The following IL2RA variants were observed in gnomAD, a reference collection of about 807,000 sequenced individuals.
IL2RA encodes interleukin 2 receptor subunit alpha, also known as interleukin-2 receptor subunit alpha.
In IL2RA, 24 loss-of-function variants were observed where a neutral mutation model predicts 37.8. That is an observed-to-expected ratio of 0.63 (90% CI 0.46 to 0.89). IL2RA has a LOEUF of 0.89. Among genes scored for constraint, IL2RA ranks in the 40% least tolerant of loss-of-function variants. The pLI, the probability that IL2RA is intolerant of heterozygous loss-of-function variation, is 0.00. For missense variants in IL2RA, 319 were observed against 348.6 expected, an observed-to-expected ratio of 0.92 and a Z score of 0.68; for synonymous variants, 125 against 114.6, an observed-to-expected ratio of 1.09 and a Z score of -0.58.
At chr10:6,024,445 T>A in intron 2 of IL2RA, 91 bp from the exon 3 acceptor site, 1 of 944,258 alleles carries the variant, frequency 1.1e-6, no homozygotes, top group Non-Finnish European at 1.7e-6. Flanking sequence ...GAAGCACACC[T>A]GTCCAGGGCC....
At chr10:6,017,155 G>A (rs1202251990) in intron 7 of IL2RA, 1 of 152,478 alleles carries the variant, frequency 6.6e-6, no homozygotes, top group South Asian at 2.1e-4. Flanking sequence ...CCACTCACTG[G>A]TATTTTAGAA....
chr10:6,037,231 C>T (rs530248843), intron 1 of IL2RA, among the ~76,000 whole-genome samples: 6 of 152,218 alleles, frequency 3.9e-5, no homozygotes, highest in African/African-American at 4.8e-5. Flanking sequence ...AAACGTTTGT[C>T]GGTTGAGTAA....
intron 1 of IL2RA, among the ~76,000 whole-genome samples, chr10:6,032,998 A>G (rs1348913967): frequency 6.6e-6 from 1 of 152,236 alleles, no homozygotes; most frequent in Non-Finnish European, 1.5e-5. Flanking sequence ...CTGATACGTC[A>G]AATACTGGGG....
intron 1 of IL2RA, among the ~76,000 whole-genome samples, chr10:6,034,697 AACAAGGGCTTTTCTCTGCCTTT>A (rs757359859): frequency 4.1e-4 from 63 of 152,302 alleles, no homozygotes; most frequent in Non-Finnish European, 7.4e-4. Context: ...AAATTCAGCT[AACAAGGGCTTTTCTCTGCCTTT>A]ACACTTCCTC....
At position 6,062,312 on chromosome 10, in the gene IL2RA, C is replaced by T; in HGVS notation, c.-161G>A. ...CCTTGTGGGTCCATCCAGTCTCTATCGGAGTCAGGAGTTGCTCTCTTTAAG... is the reference window on the plus strand; with the variant it reads ...CCTTGTGGGTCCATCCAGTCTCTATTGGAGTCAGGAGTTGCTCTCTTTAAG... On this transcript the variant is annotated 5_prime_UTR_variant, in exon 1 of 8. Transcript: ENST00000379959. 3.3e-6 allele frequency: 2 copies of T among 611,522 alleles called. No individual in the cohort carries two copies. The highest frequency in any genetic ancestry group is 4.3e-4 in the Middle Eastern group (1 of 2,340). The allele number at this position is 611,522 out of a possible 1,614,324, so 37.9% of individuals were successfully genotyped here. A position where few individuals can be genotyped will look rare whatever the true frequency, so the allele number is the denominator to read the frequency against.
intron 1 of IL2RA, among the ~76,000 whole-genome samples, chr10:6,040,546 T>A (rs910381070): frequency 6.6e-6 from 1 of 152,242 alleles, no homozygotes; most frequent in Admixed American, 6.5e-5. Context: ...CACTTTTATA[T>A]ATAATTTAGA....
In IL2RA at chr10:6,057,986, C is replaced by T. The variant is rs535070963; in HGVS notation, c.64+4102G>A. Among the ~76,000 whole-genome samples, 24 of 152,170 alleles carry T rather than the reference C, an allele frequency of 1.6e-4. No homozygotes were observed. The highest frequency in any genetic ancestry group is 1.5e-3 in the East Asian group (8 of 5,176). On this transcript the variant is annotated intron_variant, in intron 1 of 7. Coordinates refer to ENST00000379959, the MANE Select transcript of IL2RA (RefSeq NM_000417.3). The surrounding 1 kb of genome is among the most constrained non-coding windows in gnomAD (Gnocchi z 4.8). ...ACTAAAAATACAAAAATTAGCCAGGCGTGGTGGCAGGTGCCTGTAATCCCA... is the reference window on the plus strand; with the variant it reads ...ACTAAAAATACAAAAATTAGCCAGGTGTGGTGGCAGGTGCCTGTAATCCCA...
Position 6,012,657 on chromosome 10 carries a change from G to A in IL2RA, c.*215C>T. ...ACGGCGAAATTGCTATTTAGAAGTG[G>A]GTAGCGCTCGCTCTCTGATGGGACT... On this transcript the variant is annotated 3_prime_UTR_variant, in exon 8 of 8. Transcript: ENST00000379959. The surrounding 1 kb of genome is among the most constrained non-coding windows in gnomAD (Gnocchi z 4.8). 3.2e-6 allele frequency: 2 copies of A among 619,764 alleles called. No individual in the cohort carries two copies. The highest frequency in any genetic ancestry group is 5.8e-6 in the Non-Finnish European group (2 of 343,726). The allele number at this position is 619,764 out of a possible 1,614,324, so 38.4% of individuals were successfully genotyped here.
rs1378937327 is a variant in IL2RA at position 6,047,444 on chromosome 10, T to C, written c.64+14644A>G. ...AGCCTGCTCCAAAGCTCTTCCTGCC[T>C]GTAGCATGCACCCTGTGCCTCCGGG... On this transcript the variant is annotated intron_variant, in intron 1 of 7. Coordinates refer to ENST00000379959, the MANE Select transcript of IL2RA (RefSeq NM_000417.3). This position sits in a 1 kb window ranked among gnomAD's most constrained non-coding sequence, Gnocchi z 5.0. Among the ~76,000 whole-genome samples, 1 of 152,198 alleles carries C rather than the reference T, an allele frequency of 6.6e-6. No individual in the cohort carries two copies. Among genetic ancestry groups the C allele is most frequent in the Non-Finnish European group, 1.5e-5 (1 of 68,032 alleles).
Position 6,030,298 on chromosome 10 carries a change from C to T in IL2RA, c.65-4273G>A, listed in dbSNP as rs376388674. 3.5e-4 allele frequency among the ~76,000 whole-genome samples: 53 copies of T among 152,214 alleles called. 1 individual carries two copies. The South Asian group carries it at 8.7e-3, about 25-fold the overall frequency. On this transcript the variant is annotated intron_variant, in intron 1 of 7. Transcript: ENST00000379959. ...ACTGATTTACAGATCCAGATGTTCA[C>T]GGCACCAAGCAAGATACGTATAAAG...
Position 6,055,632 on chromosome 10 carries a change from T to C in IL2RA, c.64+6456A>G, listed in dbSNP as rs571602292. On this transcript the variant is annotated intron_variant, in intron 1 of 7. Transcript: ENST00000379959. ...CTACACAGACACGGCAACCATCCGA[T>C]TTCTCAATCTTTTCCCCACCTTTCC... Among the ~76,000 whole-genome samples the C allele has an allele frequency of 9.5e-4, 30 of 31,434 alleles. 1 individual carries two copies. The highest frequency in any genetic ancestry group is 0.029 in the Middle Eastern group (1 of 34). The allele number at this position is 31,434 out of a possible 152,430, so 20.6% of individuals were successfully genotyped here.
In IL2RA at chr10:6,025,723, A is replaced by C; in HGVS notation, c.256+111T>G. On this transcript the variant is annotated intron_variant, in intron 2 of 7. Coordinates refer to ENST00000379959, the MANE Select transcript of IL2RA (RefSeq NM_000417.3). The surrounding 1 kb of genome is among the most constrained non-coding windows in gnomAD (Gnocchi z 4.4). ...GAACCACTAAAATTAGTTATCCTGT[A>C]GACTGGACTGGCCCATTTGTGTCTA... The C allele has an allele frequency of 9.9e-7, 1 of 1,011,764 alleles. No homozygotes were observed. Among genetic ancestry groups the C allele is most frequent in the Admixed American group, 1.8e-5 (1 of 54,578 alleles). The allele number at this position is 1,011,764 out of a possible 1,614,324, so 62.7% of individuals were successfully genotyped here.
chr10:6,018,270 C>G lies in IL2RA; in HGVS notation c.728-151G>C, dbSNP rs1032481645. Reference sequence around the variant, plus strand: ...CCTGTCTCAGGAAGTAGGTCCCTCCCCATGGGATTTCCTAGGAGTCTTGAG... The same window carrying G: ...CCTGTCTCAGGAAGTAGGTCCCTCCGCATGGGATTTCCTAGGAGTCTTGAG... On this transcript the variant is annotated intron_variant, in intron 6 of 7. Coordinates refer to ENST00000379959, the MANE Select transcript of IL2RA (RefSeq NM_000417.3). The surrounding 1 kb of genome is among the most constrained non-coding windows in gnomAD (Gnocchi z 5.1). The G allele has an allele frequency of 7.2e-6, 5 of 690,660 alleles. No individual in the cohort carries two copies. Among genetic ancestry groups the G allele is most frequent in the Non-Finnish European group, 1.3e-5 (5 of 375,142 alleles). 42.8% of individuals were successfully genotyped at this position (690,660 alleles called of 1,614,324 possible). A position where few individuals can be genotyped will look rare whatever the true frequency, so the allele number is the denominator to read the frequency against.
At chr10:6,030,501 T>TA (rs1302666184) in intron 1 of IL2RA, among the ~76,000 whole-genome samples, 1 of 152,098 alleles carries the variant, frequency 6.6e-6, no homozygotes, top group East Asian at 1.9e-4. Context: ...TTCAAAGTTT[T>TA]AAAAGAAAAA....
chr10:6,038,123 A>G (rs1286152047), intron 1 of IL2RA, among the ~76,000 whole-genome samples: 1 of 152,256 alleles, frequency 6.6e-6, no homozygotes, highest in Non-Finnish European at 1.5e-5. Context: ...GCCTGTGGTC[A>G]TTCCACAAGT....
In IL2RA at chr10:6,042,148, CAAAAA is replaced by C. The variant is rs57093239; in HGVS notation, c.65-16128_65-16124del. On this transcript the variant is annotated intron_variant, in intron 1 of 7. Coordinates refer to ENST00000379959, the MANE Select transcript of IL2RA (RefSeq NM_000417.3). ...CACCTGATGCTAGCAATGTATTAAGCAAAAAAAAAAAAAAAAAAAATTCTGATCAG... is the reference window on the plus strand; with the variant it reads ...CACCTGATGCTAGCAATGTATTAAGCAAAAAAAAAAAAAAATTCTGATCAG... Among the ~76,000 whole-genome samples the C allele has an allele frequency of 3.5e-4, 19 of 54,138 alleles. 1 individual carries two copies. The East Asian group carries it at 0.013, about 36-fold the overall frequency. 35.5% of individuals were successfully genotyped at this position (54,138 alleles called of 152,430 possible). A position where few individuals can be genotyped will look rare whatever the true frequency, so the allele number is the denominator to read the frequency against.
chr10:6,060,770 A>AT (rs895917232), intron 1 of IL2RA, among the ~76,000 whole-genome samples: 6 of 151,962 alleles, frequency 3.9e-5, no homozygotes, highest in East Asian at 1.9e-4. Flanking sequence ...AAGTAAAAAA[A>AT]AAATAAATAA....
chr10:6,041,351 G>GT (rs1242878878), intron 1 of IL2RA, among the ~76,000 whole-genome samples: 1 of 151,928 alleles, frequency 6.6e-6, no homozygotes, highest in Non-Finnish European at 1.5e-5. Flanking sequence ...TCCTGACCTC[G>GT]TGATCCACCC....
intron 1 of IL2RA, among the ~76,000 whole-genome samples, chr10:6,050,112 AG>A (rs1404336579): frequency 6.6e-6 from 1 of 152,222 alleles, no homozygotes; most frequent in Non-Finnish European, 1.5e-5. Context: ...TGCAGCCGAA[AG>A]GGCATCACGA....
Sources: allele counts gnomAD v4.1 joint callset (sites outside exome capture counted in the v4.1 genomes callset), GRCh38; gene constraint gnomAD v4.1.1; non-coding constraint Gnocchi (gnomAD v3.1); transcripts MANE v1.5; gene names NCBI Gene and HGNC (gene_info 2026-07-23, HGNC 2026-07-21).